Variants in COX7B2 observed in about 807,000 individuals in gnomAD.
COX7B2 encodes the protein cytochrome c oxidase subunit 7B2, mitochondrial.
For synonymous variants in COX7B2, 37 were observed against 32.1 expected, an observed-to-expected ratio of 1.15 and a Z score of -0.51; for missense variants, 109 against 95.9, an observed-to-expected ratio of 1.14 and a Z score of -0.57.
chr4:46,803,400 T>C (rs371051375), intron 2 of COX7B2, among the ~76,000 whole-genome samples: 2 of 152,138 alleles, frequency 1.3e-5, no homozygotes, highest in African/African-American at 4.8e-5. Flanking sequence ...AATTATTTGT[T>C]GTATATTCAA....
intron 2 of COX7B2, among the ~76,000 whole-genome samples, chr4:46,762,416 A>AAT (rs1240780102): frequency 7.2e-6 from 1 of 138,056 alleles, no homozygotes; most frequent in Non-Finnish European, 1.5e-5. Context: ...AATATTATAT[A>AAT]ATATATATAT....
rs563756556 is a variant in COX7B2 at position 46,754,156 on chromosome 4, G to T, written c.-49-18915C>A. On this transcript the variant is annotated intron_variant, in intron 2 of 2. Transcript: ENST00000355591. Reference sequence around the variant, plus strand: ...CAACCATTGTGGAAGTCAGTGTGGCGATTTTTCAGGGATCTAGAACTAGAA... The same window carrying T: ...CAACCATTGTGGAAGTCAGTGTGGCTATTTTTCAGGGATCTAGAACTAGAA... Among the ~76,000 whole-genome samples the T allele has an allele frequency of 1.6e-4, 25 of 152,026 alleles. 1 individual carries two copies. Among genetic ancestry groups the T allele is most frequent in the African/African-American group, 5.3e-4 (22 of 41,398 alleles).
chr4:46,820,789 C>T (rs1036049909), intron 2 of COX7B2, among the ~76,000 whole-genome samples: 4 of 145,810 alleles, frequency 2.7e-5, no homozygotes, highest in Non-Finnish European at 4.5e-5. Flanking sequence ...CCATTGCACT[C>T]GAGCCTGGAC....
At chr4:46,749,657 C>G (rs1322927277) in intron 2 of COX7B2, among the ~76,000 whole-genome samples, 1 of 152,174 alleles carries the variant, frequency 6.6e-6, no homozygotes, top group Non-Finnish European at 1.5e-5. Flanking sequence ...ATGTACCTGT[C>G]ACATAATTAT....
intron 1 of COX7B2, among the ~76,000 whole-genome samples, chr4:46,865,855 T>G (rs1717631110): frequency 6.6e-6 from 1 of 152,190 alleles, no homozygotes; most frequent in Non-Finnish European, 1.5e-5. Context: ...CGACCATGTC[T>G]CTGGACCTCG....
chr4:46,905,986 C>T (rs1044523685), intron 1 of COX7B2, among the ~76,000 whole-genome samples: 4 of 150,620 alleles, frequency 2.7e-5, no homozygotes, highest in African/African-American at 7.3e-5. Flanking sequence ...CCCGCCACCG[C>T]GCCCGGCTAA....
intron 2 of COX7B2, among the ~76,000 whole-genome samples, chr4:46,833,385 G>T (rs542837447): frequency 2.0e-5 from 3 of 152,196 alleles, no homozygotes; most frequent in Non-Finnish European, 2.9e-5. Flanking sequence ...AATGAGAAAA[G>T]AGGTTAGAAA....
intron 1 of COX7B2, among the ~76,000 whole-genome samples, chr4:46,883,170 C>A (rs1718858603): frequency 6.6e-6 from 1 of 152,126 alleles, no homozygotes; most frequent in African/African-American, 2.4e-5. Context: ...ATTATTTTGG[C>A]ATCATATGTA....
In COX7B2 at chr4:46,765,684, C is replaced by T. The variant is rs183041883; in HGVS notation, c.-49-30443G>A. Among the ~76,000 whole-genome samples the T allele has an allele frequency of 3.9e-5, 6 of 152,170 alleles. No individual in the cohort carries two copies. In the East Asian group the frequency reaches 1.2e-3, roughly 29 times the overall value. ...CAGGCCCACACCAACATCAGCCCAGCCGATGTGGCCCCAGGCACATCACTG... is the reference window on the plus strand; with the variant it reads ...CAGGCCCACACCAACATCAGCCCAGTCGATGTGGCCCCAGGCACATCACTG... On this transcript the variant is annotated intron_variant, in intron 2 of 2. Transcript: ENST00000355591.
chr4:46,814,106 A>T (rs1577597789), intron 2 of COX7B2, among the ~76,000 whole-genome samples: 1 of 152,198 alleles, frequency 6.6e-6, no homozygotes, highest in African/African-American at 2.4e-5. Flanking sequence ...AATAGCATGG[A>T]GGTTCTTCAA....
Position 46,807,560 on chromosome 4 carries a change from G to A in COX7B2, c.-50+37400C>T, listed in dbSNP as rs1719068696. On this transcript the variant is annotated intron_variant, in intron 2 of 2. Coordinates refer to ENST00000355591, the MANE Select transcript of COX7B2 (RefSeq NM_130902.3). ...TTGTTTTTTGTGGCCTGAGCTTTTGGTGCTGTCCAAAACAATCATTACAAA... is the reference window on the plus strand; with the variant it reads ...TTGTTTTTTGTGGCCTGAGCTTTTGATGCTGTCCAAAACAATCATTACAAA... Among the ~76,000 whole-genome samples, 3 of 151,590 alleles carry A rather than the reference G, an allele frequency of 2.0e-5. 1 individual carries two copies. In the South Asian group the frequency reaches 6.2e-4, roughly 31 times the overall value.
intron 2 of COX7B2, among the ~76,000 whole-genome samples, chr4:46,743,607 G>C (rs140241891): frequency 6.6e-6 from 1 of 152,112 alleles, no homozygotes; most frequent in Non-Finnish European, 1.5e-5. Context: ...ACTTGAAAAC[G>C]GGGTTTCGAT....
intron 2 of COX7B2, among the ~76,000 whole-genome samples, chr4:46,745,157 C>A (rs1405940551): frequency 6.6e-6 from 1 of 152,176 alleles, no homozygotes; most frequent in Non-Finnish European, 1.5e-5. Context: ...GATAAAACTA[C>A]CCATTTAGAT....
intron 1 of COX7B2, among the ~76,000 whole-genome samples, chr4:46,856,207 C>A (rs1717002518): frequency 6.6e-6 from 1 of 151,950 alleles, no homozygotes; most frequent in African/African-American, 2.4e-5. Context: ...TCAATGCACT[C>A]CAGCCTGGGC....
At chr4:46,849,157 T>G (rs1716495164) in intron 1 of COX7B2, among the ~76,000 whole-genome samples, 1 of 151,978 alleles carries the variant, frequency 6.6e-6, no homozygotes, top group Admixed American at 6.6e-5. Flanking sequence ...CAGACACACA[T>G]ACACACTTTA....
intron 2 of COX7B2, among the ~76,000 whole-genome samples, chr4:46,761,933 T>C (rs1716170432): frequency 6.6e-6 from 1 of 151,774 alleles, no homozygotes; most frequent in African/African-American, 2.4e-5. Context: ...TCTTTTTTTT[T>C]TTAAAACCAT....
At chr4:46,877,227 A>G (rs1718399760) in intron 1 of COX7B2, among the ~76,000 whole-genome samples, 1 of 152,236 alleles carries the variant, frequency 6.6e-6, no homozygotes, top group South Asian at 2.1e-4. Context: ...GTATTACCAT[A>G]TTACACATGA....
chr4:46,904,428 C>T (rs1467811371), intron 1 of COX7B2, among the ~76,000 whole-genome samples: 1 of 151,874 alleles, frequency 6.6e-6, no homozygotes, highest in Non-Finnish European at 1.5e-5. Flanking sequence ...TTAAAATGGC[C>T]CTTAAAGAAA....
rs184883606 is a variant in COX7B2 at position 46,899,531 on chromosome 4, G to A, written c.-105+9629C>T. Among the ~76,000 whole-genome samples the A allele has an allele frequency of 2.0e-5, 3 of 152,286 alleles. No individual in the cohort carries two copies. The East Asian group carries it at 5.8e-4, about 29-fold the overall frequency. ...TAACAATTGGAGGGTGCGTGTGTGT[G>A]TGTGATCTGTGCCTTTATGTATGTG... On this transcript the variant is annotated intron_variant, in intron 1 of 2. Transcript: ENST00000355591.
Sources: allele counts gnomAD v4.1 joint callset (sites outside exome capture counted in the v4.1 genomes callset), GRCh38; gene constraint gnomAD v4.1.1; transcripts MANE v1.5; gene names NCBI Gene and HGNC (gene_info 2026-07-23, HGNC 2026-07-21).